AASDH: variants seen among roughly 807,000 people sequenced by gnomAD.
AASDH encodes aminoadipate-semialdehyde dehydrogenase.
Under a neutral mutation model 102.3 loss-of-function variants are expected in AASDH, and 81 were observed. The observed-to-expected ratio is 0.79, with a 90% CI of 0.66 to 0.95. AASDH has a LOEUF of 0.95. Ranked by LOEUF, AASDH falls within the 40% of genes least tolerant of loss-of-function variation. The pLI, the probability that AASDH is intolerant of heterozygous loss-of-function variation, is 0.00. For synonymous variants in AASDH, 398 were observed against 454.0 expected (o/e 0.88, Z 1.57); for missense variants, 1,203 against 1,266.2 (o/e 0.95, Z 0.76).
chr4:56,356,881 G>C, intron 5 of AASDH: 1 of 964,368 alleles, frequency 1.0e-6, no homozygotes, highest in Non-Finnish European at 1.6e-6. Flanking sequence ...GGCTCGCATC[G>C]CCAAGCTCGA....
intron 13 of AASDH, 136 bp downstream of exon 13, chr4:56,343,426 T>C: frequency 1.8e-6 from 1 of 544,960 alleles, no homozygotes; most frequent in Non-Finnish European, 3.1e-6. Flanking sequence ...TGTCAATCAT[T>C]TTTAATGAAT....
intron 5 of AASDH, 112 bp downstream of exon 5, chr4:56,371,337 CTA>C: frequency 9.0e-7 from 1 of 1,116,018 alleles, no homozygotes; most frequent in Non-Finnish European, 1.2e-6. Context: ...CCTTGATAAT[CTA>C]ACCAGATTAT....
Position 56,338,380 on chromosome 4 carries a change from T to C in AASDH, c.*22A>G, listed in dbSNP as rs753982050. ...ATTTTCAAATATCTCACATTTGTTATACAAATAAGGACTGTATTTGATTAT... is the reference window on the plus strand; with the variant it reads ...ATTTTCAAATATCTCACATTTGTTACACAAATAAGGACTGTATTTGATTAT... On this transcript the variant is annotated 3_prime_UTR_variant, in exon 15 of 15. Coordinates refer to ENST00000205214, the MANE Select transcript of AASDH (RefSeq NM_181806.4). The C allele has an allele frequency of 1.9e-6, 3 of 1,591,886 alleles. No homozygotes were observed. The highest frequency in any genetic ancestry group is 2.2e-5 in the East Asian group (1 of 44,788).
chr4:56,348,663 T>C (rs1748609666), intron 11 of AASDH, among the ~76,000 whole-genome samples: 1 of 152,186 alleles, frequency 6.6e-6, no homozygotes, highest in Admixed American at 6.5e-5. Context: ...GTCTCCTGGA[T>C]CACTCTGAGG....
At chr4:56,352,884 T>C (rs1443962651) in intron 9 of AASDH, among the ~76,000 whole-genome samples, 1 of 152,230 alleles carries the variant, frequency 6.6e-6, no homozygotes, top group African/African-American at 2.4e-5. Context: ...CATAATTGCA[T>C]GGGCAAATTC....
At chr4:56,360,807 G>A (rs184599299) in intron 5 of AASDH, among the ~76,000 whole-genome samples, 1 of 152,168 alleles carries the variant, frequency 6.6e-6, no homozygotes, top group African/African-American at 2.4e-5. Context: ...TTAAGATCAT[G>A]GCTTGTCAAA....
At chr4:56,384,373 G>C (rs1753312916) in intron 1 of AASDH, 32 bp from the exon 2 acceptor site, 33 of 1,384,906 alleles carry the variant, frequency 2.4e-5, no homozygotes, top group Admixed American at 1.2e-4. Flanking sequence ...AGGGGGAGAG[G>C]GAGTTTTAGA....
At chr4:56,348,158 A>G (rs903614710) in intron 11 of AASDH, among the ~76,000 whole-genome samples, 6 of 151,790 alleles carry the variant, frequency 4.0e-5, no homozygotes, top group Non-Finnish European at 8.8e-5. Context: ...CTCAAAAAAA[A>G]GAAAAAAAAA....
chr4:56,375,637 G>A (rs2109985860), intron 4 of AASDH, among the ~76,000 whole-genome samples: 1 of 152,170 alleles, frequency 6.6e-6, no homozygotes, highest in East Asian at 1.9e-4. Context: ...TGCTGGGCCA[G>A]TGCCTCTTAG....
At position 56,353,579 on chromosome 4, in the gene AASDH, CT is replaced by C; in HGVS notation, c.1400del (p.Gln467ArgfsTer16). 1 of 1,610,836 alleles carries C rather than the reference CT, an allele frequency of 6.2e-7. No homozygotes were observed. Among genetic ancestry groups the C allele is most frequent in the Non-Finnish European group, 8.5e-7 (1 of 1,179,522 alleles). On this transcript the variant is annotated frameshift_variant, in exon 9 of 15. Transcript: ENST00000205214. LOFTEE classifies it high-confidence loss of function. ...ATGTAACTGCACAAGACTCCACTTG[CT>C]GAAGCTCTTCAGCAACCTATAAGAG... ...ELVQQVAEEL[Q>X]QVESCAVTWY...
Position 56,338,454 on chromosome 4 carries a change from C to T in AASDH, c.3245G>A (p.Cys1082Tyr), listed in dbSNP as rs1747136673. ...VVLESMLIIG[C>Y]RDNYVYCLDL... ...CAGACAATAAACATAATTATCTCTA[C>T]ACCCAATAATGAGCATTGATTCCAG... Residue 1082 changes from cysteine to tyrosine, a missense_variant, in exon 15 of 15, where the codon TGT becomes TAT. Physicochemically the swap from Cys to Tyr is radical, Grantham distance 194 (BLOSUM62 -2). Coordinates refer to ENST00000205214, the MANE Select transcript of AASDH (RefSeq NM_181806.4). The T allele has an allele frequency of 1.9e-6, 3 of 1,613,892 alleles. No individual in the cohort carries two copies. Among genetic ancestry groups the T allele is most frequent in the South Asian group, 1.1e-5 (1 of 91,052 alleles).
intron 11 of AASDH, among the ~76,000 whole-genome samples, chr4:56,347,704 C>A (rs1748484784): frequency 6.6e-6 from 1 of 152,024 alleles, no homozygotes; most frequent in African/African-American, 2.4e-5. Context: ...GAGTTTGAGA[C>A]CAGCCTGGAC....
intron 1 of AASDH, among the ~76,000 whole-genome samples, chr4:56,387,135 CTT>C (rs1753663245): frequency 6.6e-6 from 1 of 152,190 alleles, no homozygotes; most frequent in African/African-American, 2.4e-5. Context: ...GCGGAGCACA[CTT>C]ATTTCCATTT....
chr4:56,376,838 C>T (rs1305686278), intron 4 of AASDH, among the ~76,000 whole-genome samples: 9 of 151,850 alleles, frequency 5.9e-5, no homozygotes, highest in African/African-American at 1.5e-4. Flanking sequence ...GAGGCCGAGG[C>T]GGGCGGATCA....
At chr4:56,386,575 T>C (rs1351811224) in intron 1 of AASDH, among the ~76,000 whole-genome samples, 1 of 150,120 alleles carries the variant, frequency 6.7e-6, no homozygotes, top group Admixed American at 6.6e-5. Flanking sequence ...GGGTGGATCA[T>C]GAGGTCAGGA....
Position 56,377,062 on chromosome 4 carries a change from G to A in AASDH, c.668+1086C>T, listed in dbSNP as rs1226484942. ...AGCCTGGGCGACAGAGCGAGACTCC[G>A]TCTCAAAAAAAAAAAAAAATAAATA... On this transcript the variant is annotated intron_variant, in intron 4 of 14. Coordinates refer to ENST00000205214, the MANE Select transcript of AASDH (RefSeq NM_181806.4). Among the ~76,000 whole-genome samples the A allele has an allele frequency of 6.0e-5, 5 of 82,820 alleles. No homozygotes were observed. The Admixed American group carries it at 6.2e-4, about 10-fold the overall frequency. The allele number at this position is 82,820 out of a possible 152,430, so 54.3% of individuals were successfully genotyped here.
intron 5 of AASDH, among the ~76,000 whole-genome samples, chr4:56,361,093 C>T (rs1750232473): frequency 6.6e-6 from 1 of 152,036 alleles, no homozygotes. Flanking sequence ...TAAATAAACA[C>T]ACATCTATGA....
chr4:56,356,195 C>T, intron 5 of AASDH: 1 of 739,492 alleles, frequency 1.4e-6, no homozygotes, highest in South Asian at 1.4e-5. Context: ...TGTGAAGAAG[C>T]AGGAGGACAA....
intron 5 of AASDH, among the ~76,000 whole-genome samples, chr4:56,362,074 A>G (rs1750364247): frequency 6.6e-6 from 1 of 152,210 alleles, no homozygotes; most frequent in African/African-American, 2.4e-5. Context: ...TTTGTGATAA[A>G]CCAAAAATCA....
Sources: allele counts gnomAD v4.1 joint callset (sites outside exome capture counted in the v4.1 genomes callset), GRCh38; gene constraint gnomAD v4.1.1; transcripts MANE v1.5; gene names NCBI Gene and HGNC (gene_info 2026-07-23, HGNC 2026-07-21).